PARN: variants seen among roughly 807,000 people sequenced by gnomAD.
The protein encoded by PARN is poly(A)-specific ribonuclease.
A neutral mutation model predicts 102.8 loss-of-function variants in PARN; 71 were observed. The ratio of observed to expected loss-of-function variants is 0.69; its 90% CI spans 0.57 to 0.84. PARN has a LOEUF of 0.84. PARN is among the 40% of genes least tolerant of loss of function. PARN has a pLI of 0.00. For missense variants in PARN, 782 were observed against 760.9 expected (o/e 1.03, Z -0.33); for synonymous variants, 261 against 252.9 (o/e 1.03, Z -0.30).
At chr16:14,563,885 GA>G (rs575959006) in intron 18 of PARN, among the ~76,000 whole-genome samples, 4 of 150,216 alleles carry the variant, frequency 2.7e-5, no homozygotes, top group Admixed American at 2.0e-4. Context: ...GTTTTAAAAA[GA>G]AAAAAAAATT....
chr16:14,622,697 G>A (rs992072021), intron 5 of PARN, among the ~76,000 whole-genome samples: 2 of 152,108 alleles, frequency 1.3e-5, no homozygotes, highest in East Asian at 1.9e-4. Context: ...TAGTAGAGAC[G>A]GGGTTTCACC....
chr16:14,628,307 G>T, intron 2 of PARN, 56 bp from the exon 3 acceptor site: 2 of 973,356 alleles, frequency 2.1e-6, no homozygotes, highest in Non-Finnish European at 3.2e-6. Flanking sequence ...ACGTAAAAAT[G>T]CCAGTCAATC....
chr16:14,489,741 G>A (rs1331171439), intron 21 of PARN, among the ~76,000 whole-genome samples: 1 of 152,184 alleles, frequency 6.6e-6, no homozygotes, highest in Non-Finnish European at 1.5e-5. Flanking sequence ...GTTTGTGGGT[G>A]GGGAGAGTGT....
At chr16:14,483,261 A>G (rs1456867936) in intron 21 of PARN, among the ~76,000 whole-genome samples, 1 of 152,242 alleles carries the variant, frequency 6.6e-6, no homozygotes, top group East Asian at 1.9e-4. Context: ...CAATATTGCC[A>G]GTGGTGGCGA....
chr16:14,436,304 G>A lies in PARN; in HGVS notation c.*413C>T, dbSNP rs1960692904. ...CTGCCTCAAAATCTCAGTGCGAGAA[G>A]ATGCACAGGCAGGACAGTACACCCC... On this transcript the variant is annotated 3_prime_UTR_variant, in exon 24 of 24. Transcript: ENST00000437198. The A allele has an allele frequency of 6.0e-6, 1 of 167,562 alleles. No individual in the cohort carries two copies. Among genetic ancestry groups the A allele is most frequent in the African/African-American group, 2.4e-5 (1 of 42,004 alleles). The allele number at this position is 167,562 out of a possible 1,614,324, so 10.4% of individuals were successfully genotyped here. A position where few individuals can be genotyped will look rare whatever the true frequency, so the allele number is the denominator to read the frequency against.
intron 18 of PARN, among the ~76,000 whole-genome samples, chr16:14,566,324 A>G (rs2151727455): frequency 6.6e-6 from 1 of 152,324 alleles, no homozygotes; most frequent in African/African-American, 2.4e-5. Flanking sequence ...GGACACACAC[A>G]CAGAGGAGGA....
chr16:14,575,173 G>C (rs1217669720), intron 18 of PARN, among the ~76,000 whole-genome samples: 1 of 152,208 alleles, frequency 6.6e-6, no homozygotes, highest in African/African-American at 2.4e-5. Flanking sequence ...AGGGAAATGT[G>C]GGGTCAGAAC....
intron 21 of PARN, among the ~76,000 whole-genome samples, chr16:14,499,932 T>C (rs770053579): frequency 5.9e-5 from 9 of 152,256 alleles, no homozygotes; most frequent in Non-Finnish European, 1.2e-4. Context: ...TTTTATAACA[T>C]TGTATTTTAA....
At chr16:14,511,621 T>C (rs570014153) in intron 21 of PARN, among the ~76,000 whole-genome samples, 2 of 152,228 alleles carry the variant, frequency 1.3e-5, no homozygotes, top group African/African-American at 4.8e-5. Flanking sequence ...TCCTAAATTA[T>C]TGGGTGTAGC....
chr16:14,541,506 C>CG (rs1177296775), intron 21 of PARN, among the ~76,000 whole-genome samples: 2 of 152,100 alleles, frequency 1.3e-5, no homozygotes, highest in Non-Finnish European at 2.9e-5. Flanking sequence ...GATGGAGTCT[C>CG]GCTCTGTCAC....
Position 14,610,772 on chromosome 16 carries a change from T to C in PARN, c.426A>G (p.Leu142=). 1.9e-6 allele frequency: 3 copies of C among 1,611,454 alleles called. No homozygotes were observed. Among genetic ancestry groups the C allele is most frequent in the Non-Finnish European group, 2.5e-6 (3 of 1,177,572 alleles). ...AACGTTTTTCATCATACTGCTCTCT[T>C]AACTGTCTTTCTTCTTCCTGATTTA... ...PYLNQEEERQ[L]REQYDEKRSQ... The change falls in exon 7 of 24, where the codon TTA becomes TTG. Residue 142 remains leucine, a synonymous_variant. Transcript: ENST00000437198.
intron 21 of PARN, among the ~76,000 whole-genome samples, chr16:14,528,433 G>A (rs1033100718): frequency 6.6e-6 from 1 of 152,192 alleles, no homozygotes; most frequent in African/African-American, 2.4e-5. Flanking sequence ...ACAGACAGGT[G>A]AAGACCTGCA....
At chr16:14,606,643 T>G (rs1971202138) in intron 9 of PARN, 117 bp from the exon 10 acceptor site, 5 of 561,524 alleles carry the variant, frequency 8.9e-6, no homozygotes, top group Non-Finnish European at 1.6e-5. Flanking sequence ...TACAAAATAA[T>G]TATCACTACA....
intron 21 of PARN, among the ~76,000 whole-genome samples, chr16:14,514,883 T>C (rs1402968623): frequency 1.3e-5 from 2 of 152,208 alleles, no homozygotes; most frequent in African/African-American, 2.4e-5. Flanking sequence ...AGACACTCCA[T>C]GGCATAAATA....
chr16:14,544,910 G>A lies in PARN; in HGVS notation c.1480+7111C>T, dbSNP rs1173094494. On this transcript the variant is annotated intron_variant, in intron 21 of 23. Transcript: ENST00000437198. Reference sequence around the variant, plus strand: ...TCAGTGAAGATATAGAATAAGACTGGGCACAGTGGCTCATGCCTGTAATCC... The same window carrying A: ...TCAGTGAAGATATAGAATAAGACTGAGCACAGTGGCTCATGCCTGTAATCC... Among the ~76,000 whole-genome samples, 5 of 152,172 alleles carry A rather than the reference G, an allele frequency of 3.3e-5. No individual in the cohort carries two copies. In the South Asian group the frequency reaches 1.0e-3, roughly 31 times the overall value.
chr16:14,458,769 G>A (rs1377654185), intron 22 of PARN, among the ~76,000 whole-genome samples: 7 of 152,122 alleles, frequency 4.6e-5, no homozygotes, highest in Non-Finnish European at 1.5e-5. Context: ...CCCTACCCCA[G>A]GGAAGCCAGG....
chr16:14,480,973 A>G (rs1256213816), intron 22 of PARN, among the ~76,000 whole-genome samples: 1 of 151,978 alleles, frequency 6.6e-6, no homozygotes, highest in African/African-American at 2.4e-5. Context: ...ATAAATAAAT[A>G]ACATAAAAGA....
chr16:14,630,071 T>G, intron 1 of PARN, 36 bp downstream of exon 1: 1 of 1,539,776 alleles, frequency 6.5e-7, no homozygotes, highest in Non-Finnish European at 8.8e-7. Flanking sequence ...GGCAGCCGGG[T>G]GTGGGGAGGC....
chr16:14,501,180 G>A (rs977518386), intron 21 of PARN, among the ~76,000 whole-genome samples: 13 of 150,944 alleles, frequency 8.6e-5, no homozygotes, highest in African/African-American at 2.4e-4. Context: ...AGTGGCTCAC[G>A]TCTGTATCTT....
Sources: allele counts gnomAD v4.1 joint callset (sites outside exome capture counted in the v4.1 genomes callset), GRCh38; gene constraint gnomAD v4.1.1; transcripts MANE v1.5; gene names NCBI Gene and HGNC (gene_info 2026-07-23, HGNC 2026-07-21).